Variants in LATS1 observed in about 807,000 individuals in gnomAD.
LATS1 encodes serine/threonine-protein kinase LATS1.
In LATS1, 25 loss-of-function variants were observed where a neutral mutation model predicts 106.6. That is an observed-to-expected ratio of 0.23 (90% CI 0.17 to 0.33). The LOEUF is 0.33. LATS1 is among the 10% of genes least tolerant of loss of function. LATS1 has a pLI of 1.00. For missense variants in LATS1, 1,040 were observed against 1,382.6 expected (o/e 0.75, Z 3.93); for synonymous variants, 465 against 455.6 (o/e 1.02, Z -0.26).
At chr6:149,667,665 A>G (rs1781229290) in intron 7 of LATS1, among the ~76,000 whole-genome samples, 3 of 152,178 alleles carry the variant, frequency 2.0e-5, no homozygotes, top group East Asian at 1.9e-4. Flanking sequence ...ACACACCCCA[A>G]ATTTGATCAA....
chr6:149,684,817 T>C, intron 3 of LATS1, among the ~76,000 whole-genome samples: 1 of 152,048 alleles, frequency 6.6e-6, no homozygotes, highest in East Asian at 1.9e-4. Flanking sequence ...TGAAGTATTC[T>C]CACTACAAAA....
intron 7 of LATS1, among the ~76,000 whole-genome samples, chr6:149,668,492 A>G (rs571549075): frequency 3.3e-5 from 5 of 151,124 alleles, no homozygotes; most frequent in African/African-American, 9.8e-5. Context: ...CTCAGGCTAC[A>G]GCATAGTGGT....
At position 149,717,885 on chromosome 6, in the gene LATS1, G is replaced by C. The variant is rs570820052; in HGVS notation, c.-177C>G. The C allele has an allele frequency of 5.4e-6, 2 of 368,636 alleles. No homozygotes were observed. The highest frequency in any genetic ancestry group is 3.6e-4 in the Middle Eastern group (1 of 2,762). The allele number at this position is 368,636 out of a possible 1,614,324, so 22.8% of individuals were successfully genotyped here. ...AGCAGAGCTCCTGGACAGCGGCCAC[G>C]GGCCTGAGGGCGGACGCTGAGGCGG... On this transcript the variant is annotated 5_prime_UTR_variant, in exon 1 of 8. Coordinates refer to ENST00000543571, the MANE Select transcript of LATS1 (RefSeq NM_004690.4).
At chr6:149,705,173 T>C (rs1783693662) in intron 1 of LATS1, among the ~76,000 whole-genome samples, 1 of 152,184 alleles carries the variant, frequency 6.6e-6, no homozygotes, top group South Asian at 2.1e-4. Context: ...AATATAATTA[T>C]TTTGTAAATG....
In LATS1 at chr6:149,701,952, T is replaced by A; in HGVS notation, c.175A>T (p.Thr59Ser). ...TTTCTGACTTGTCGAGGATCTTCGG[T>A]TGACATTTTACTCATGTTATGCTCA... is the stretch of plus-strand genomic sequence containing the variant. ...KAEHNMSKMS[T>S]EDPRQVRNPP... Residue 59 changes from threonine (T) to serine (S), a missense_variant, in exon 2 of 8, where the codon ACC becomes TCC. Thr to Ser is a moderately conservative substitution (Grantham distance 58, BLOSUM62 1). This residue lies in a region of LATS1 where 624 missense variants were observed against 714.8 expected (regional missense o/e 0.87). Transcript: ENST00000543571. The A allele has an allele frequency of 6.2e-7, 1 of 1,614,222 alleles. No homozygotes were observed. The highest frequency in any genetic ancestry group is 8.5e-7 in the Non-Finnish European group (1 of 1,180,044).
rs1367221917 is a variant in LATS1, at chr6:149,658,734, A to G, written c.*2995T>C. 1.3e-5 allele frequency: 2 copies of G among 152,204 alleles called. No individual in the cohort carries two copies. 9.4% of individuals were successfully genotyped at this position (152,204 alleles called of 1,614,324 possible). On this transcript the variant is annotated 3_prime_UTR_variant, in exon 8 of 8. Transcript: ENST00000543571. ...AATCTCAAAGTGACTTTTTAGTCAT[A>G]CATTCTATAGTTTCTATTACAAATA...
rs1781957246 is a variant in LATS1 at position 149,680,176 on chromosome 6, C to A, written c.2292G>T (p.Trp764Cys). The change falls in exon 5 of 8, where the codon TGG becomes TGT. Residue 764 changes from tryptophan to cysteine, a missense_variant. By Grantham distance (215) the Trp-to-Cys change is radical. This residue lies in a region of LATS1 where 167 missense variants were observed against 332.1 expected (regional missense o/e 0.50). Transcript: ENST00000543571. The part of the protein sequence containing the change: ...RDILAEADNE[W>C]VVRLYYSFQD... ...GGAATGAATAATATAGACGAACTAC[C>A]CATTCATTGTCAGCTTCAGCCAGGA... is the stretch of plus-strand genomic sequence containing the variant. The A allele has an allele frequency of 6.2e-7, 1 of 1,613,914 alleles. No individual in the cohort carries two copies. The highest frequency in any genetic ancestry group is 1.7e-5 in the Admixed American group (1 of 59,990).
At chr6:149,696,559 T>TAA (rs372769091) in intron 2 of LATS1, among the ~76,000 whole-genome samples, 3,808 of 45,768 alleles carry the variant, frequency 0.083, 431 homozygotes, top group East Asian at 0.3. Flanking sequence ...AACTCCGTCT[T>TAA]AAAAAAAAAA....
At position 149,683,802 on chromosome 6, in the gene LATS1, C is replaced by T. The variant is rs1276525187; in HGVS notation, c.1287G>A (p.Leu429=). 9 of 1,613,624 alleles carry T rather than the reference C, an allele frequency of 5.6e-6. No individual in the cohort carries two copies. The highest frequency in any genetic ancestry group is 2.7e-5 in the African/African-American group (2 of 74,930). ...MELYNISVPG[L]QTNWPQSSSA... ...AAGATGACTGAGGCCAATTTGTTTGCAGTCCAGGTACACTAATGTTATATA... is the reference window on the plus strand; with the variant it reads ...AAGATGACTGAGGCCAATTTGTTTGTAGTCCAGGTACACTAATGTTATATA... The change falls in exon 4 of 8, where the codon CTG becomes CTA. Residue 429 remains leucine, a synonymous_variant. Transcript: ENST00000543571.
chr6:149,707,829 T>C (rs1230348396), intron 1 of LATS1, among the ~76,000 whole-genome samples: 1 of 152,168 alleles, frequency 6.6e-6, no homozygotes, highest in Non-Finnish European at 1.5e-5. Context: ...AAAACTGTTG[T>C]AGCTGAGTAA....
chr6:149,700,168 T>C lies in LATS1; in HGVS notation c.348+1611A>G, dbSNP rs552776787. On this transcript the variant is annotated intron_variant, in intron 2 of 7. Coordinates refer to ENST00000543571, the MANE Select transcript of LATS1 (RefSeq NM_004690.4). ...ATTAATCAAATAAGTAAACAGAATG[T>C]GCCAGAAATAAAATTTCTTATTTTC... Among the ~76,000 whole-genome samples, 10 of 152,326 alleles carry C rather than the reference T, an allele frequency of 6.6e-5. No individual in the cohort carries two copies. The East Asian group carries it at 1.9e-3, about 29-fold the overall frequency.
intron 7 of LATS1, among the ~76,000 whole-genome samples, chr6:149,672,671 C>T (rs371225309): frequency 6.6e-6 from 1 of 151,806 alleles, no homozygotes; most frequent in Non-Finnish European, 1.5e-5. Flanking sequence ...TTTGGCCGGG[C>T]GCAGTGGCTC....
chr6:149,704,299 G>A (rs1420448376), intron 1 of LATS1, among the ~76,000 whole-genome samples: 2 of 151,942 alleles, frequency 1.3e-5, no homozygotes, highest in Non-Finnish European at 2.9e-5. Flanking sequence ...CACTGTGGCC[G>A]GCAGAATGAT....
intron 1 of LATS1, among the ~76,000 whole-genome samples, chr6:149,710,332 G>C (rs1340348945): frequency 6.6e-6 from 1 of 152,108 alleles, no homozygotes; most frequent in East Asian, 1.9e-4. Context: ...CTGGAAGCGG[G>C]GTATCCTATG....
chr6:149,699,834 T>C (rs1261496580), intron 2 of LATS1, among the ~76,000 whole-genome samples: 3 of 152,198 alleles, frequency 2.0e-5, no homozygotes, highest in Non-Finnish European at 4.4e-5. Context: ...TAAATACATA[T>C]TACTGGGTGA....
At chr6:149,672,243 T>G (rs1283567612) in intron 7 of LATS1, among the ~76,000 whole-genome samples, 1 of 151,136 alleles carries the variant, frequency 6.6e-6, no homozygotes, top group East Asian at 1.9e-4. Flanking sequence ...GGAGTCTCGC[T>G]CTGTCACCCA....
intron 1 of LATS1, among the ~76,000 whole-genome samples, chr6:149,709,983 T>G (rs1046236162): frequency 2.1e-4 from 32 of 152,102 alleles, no homozygotes; most frequent in African/African-American, 7.2e-4. Flanking sequence ...CACAACCCCT[T>G]ATCTTAACCT....
chr6:149,680,020 A>T lies in LATS1; in HGVS notation c.2448T>A (p.Val816=). The T allele has an allele frequency of 6.2e-7, 1 of 1,614,150 alleles. No homozygotes were observed. The highest frequency in any genetic ancestry group is 8.5e-7 in the Non-Finnish European group (1 of 1,180,024). Residue 816 remains valine (V), a synonymous_variant, in exon 5 of 8, where the codon GTT becomes GTA. Coordinates refer to ENST00000543571, the MANE Select transcript of LATS1 (RefSeq NM_004690.4). ...TAAAACCCATTTTATGAACACTTTC[A>T]ACTGCACAGGTAAGTTCTGCTATGT... ...RFYIAELTCA[V]ESVHKMGFIH... is the part of the protein sequence containing the mutation.
intron 3 of LATS1, among the ~76,000 whole-genome samples, chr6:149,690,482 G>A (rs867247837): frequency 7.9e-5 from 12 of 151,030 alleles, no homozygotes; most frequent in Middle Eastern, 3.6e-3. Flanking sequence ...CAAAGTGCTG[G>A]GATTACAGGT....
Sources: gnomAD v4.1 joint callset for allele counts (sites outside exome capture counted in the v4.1 genomes callset) on GRCh38, gnomAD v4.1.1 for gene constraint, gnomAD v4.1.1 regional missense constraint, MANE v1.5 for transcripts, NCBI Gene and HGNC (gene_info 2026-07-23, HGNC 2026-07-21) for gene names.